The following ITIH2 variants were observed in gnomAD, a reference collection of about 807,000 sequenced individuals.
ITIH2 encodes inter-alpha-trypsin inhibitor heavy chain 2.
Under a neutral mutation model 104.4 loss-of-function variants are expected in ITIH2, and 103 were observed. The observed-to-expected ratio is 0.99, with a 90% confidence interval of 0.84 to 1.16. ITIH2 has a LOEUF of 1.16. ITIH2 is among the 50% of genes most tolerant of loss of function. The pLI, the probability that ITIH2 is intolerant of heterozygous loss-of-function variation, is 0.00. For missense variants in ITIH2, 1,108 were observed against 1,162.4 expected (o/e 0.95, Z 0.68); for synonymous variants, 436 against 435.4 (o/e 1.00, Z -0.02).
intron 20 of ITIH2, among the ~76,000 whole-genome samples, chr10:7,748,853 CA>C (rs1320532163): frequency 6.6e-6 from 1 of 151,966 alleles, no homozygotes; most frequent in East Asian, 1.9e-4. Context: ...GCTGCTGACT[CA>C]TTCTTTAAGT....
chr10:7,709,637 G>A (rs187412991), intron 4 of ITIH2, among the ~76,000 whole-genome samples: 10 of 151,984 alleles, frequency 6.6e-5, no homozygotes, highest in East Asian at 1.9e-4. Flanking sequence ...CTATAACACC[G>A]CTGACAAGTG....
At chr10:7,716,211 C>A (rs1011791742) in intron 5 of ITIH2, among the ~76,000 whole-genome samples, 1 of 152,078 alleles carries the variant, frequency 6.6e-6, no homozygotes, top group Non-Finnish European at 1.5e-5. Flanking sequence ...TAACTCCTGA[C>A]CTCAAGTGAC....
chr10:7,746,633 G>C lies in ITIH2; in HGVS notation c.2622G>C (p.Glu874Asp), dbSNP rs1164633832. The change falls in exon 20 of 21, where the codon GAG becomes GAC. Residue 874 changes from glutamate (E) to aspartate (D), a missense_variant. Transcript: ENST00000358415. ...AACCAAAGATACACATCTTCAATGA[G>C]AGACCAGGAAAGGACCCTGAGAAGC... ...MQEPKIHIFN[E>D]RPGKDPEKPE... is the part of the protein sequence containing the mutation. The C allele has an allele frequency of 3.1e-6, 5 of 1,613,840 alleles. 1 individual carries two copies. The highest frequency in any genetic ancestry group is 2.2e-5 in the South Asian group (2 of 91,054).
chr10:7,726,799 C>T, intron 9 of ITIH2, 151 bp from the exon 10 acceptor site: 1 of 577,096 alleles, frequency 1.7e-6, no homozygotes. Context: ...GGCAGGTCTG[C>T]ATTGACTGAG....
In ITIH2 at chr10:7,735,077, C is replaced by T. The variant is rs755915435; in HGVS notation, c.1943C>T (p.Pro648Leu). The change falls in exon 15 of 21, where the codon CCC becomes CTC. Residue 648 changes from proline (P) to leucine (L), a missense_variant. Physicochemically the swap from Pro to Leu is moderately conservative, Grantham distance 98. Transcript: ENST00000358415. The part of the protein sequence containing the change: ...RMLADAPPQD[P>L]SCCSGALYYG... ...CTGGCGGATGCCCCACCGCAGGATC[C>T]CTCCTGCTGCTCAGGTCAGGGCTGC... The T allele has an allele frequency of 1.2e-6, 2 of 1,608,684 alleles. No homozygotes were observed. Among genetic ancestry groups the T allele is most frequent in the Admixed American group, 1.7e-5 (1 of 59,802 alleles).
intron 16 of ITIH2, among the ~76,000 whole-genome samples, chr10:7,742,280 G>C (rs1249434472): frequency 6.6e-6 from 1 of 151,902 alleles, no homozygotes; most frequent in Admixed American, 6.6e-5. Context: ...GAGGGGAGGG[G>C]AAGCAAGGAA....
intron 1 of ITIH2, among the ~76,000 whole-genome samples, chr10:7,703,888 T>TAATA (rs971642185): frequency 6.6e-6 from 1 of 152,208 alleles, no homozygotes; most frequent in Admixed American, 6.5e-5. Flanking sequence ...AGTAAGTGCT[T>TAATA]AATAATTACT....
chr10:7,705,006 C>T (rs1834732419), intron 1 of ITIH2, 102 bp from the exon 2 acceptor site: 6 of 695,542 alleles, frequency 8.6e-6, no homozygotes, highest in Non-Finnish European at 1.4e-5. Context: ...ACCAACATGG[C>T]ACATGTATAC....
chr10:7,745,078 G>A, intron 19 of ITIH2, 115 bp downstream of exon 19: 1 of 878,154 alleles, frequency 1.1e-6, no homozygotes, highest in Non-Finnish European at 1.8e-6. Flanking sequence ...TGAGCACAGA[G>A]GACTAACATA....
chr10:7,723,765 C>A (rs1834928579), intron 9 of ITIH2, among the ~76,000 whole-genome samples, 198 bp downstream of exon 9: 1 of 152,188 alleles, frequency 6.6e-6, no homozygotes, highest in Admixed American at 6.5e-5. Context: ...GTCTTCTAAT[C>A]ATTCCTCTAG....
At chr10:7,720,813 A>T in intron 6 of ITIH2, 43 bp from the exon 7 acceptor site, 1 of 1,229,126 alleles carries the variant, frequency 8.1e-7, no homozygotes, top group Non-Finnish European at 1.2e-6. Flanking sequence ...AAAAGACTTT[A>T]AAGACTTTTA....
chr10:7,710,839 T>C (rs1220514943), intron 4 of ITIH2, among the ~76,000 whole-genome samples: 1 of 152,208 alleles, frequency 6.6e-6, no homozygotes, highest in African/African-American at 2.4e-5. Flanking sequence ...GAAATGACAT[T>C]GAAAACTATT....
chr10:7,704,914 C>T (rs1588448199), intron 1 of ITIH2, among the ~76,000 whole-genome samples, 194 bp from the exon 2 acceptor site: 1 of 150,824 alleles, frequency 6.6e-6, no homozygotes, highest in East Asian at 1.9e-4. Context: ...CACACTGGGG[C>T]CTGTCAGGGG....
intron 4 of ITIH2, among the ~76,000 whole-genome samples, chr10:7,709,862 T>C (rs1346946298): frequency 1.3e-5 from 2 of 148,854 alleles, no homozygotes; most frequent in Non-Finnish European, 3.0e-5. Flanking sequence ...GCTTGGCTTC[T>C]TTTTTTTTTG....
At chr10:7,706,589 T>C (rs1281016473) in intron 2 of ITIH2, among the ~76,000 whole-genome samples, 1 of 152,208 alleles carries the variant, frequency 6.6e-6, no homozygotes, top group Non-Finnish European at 1.5e-5. Context: ...AGACAGACTT[T>C]AGTCAAATAA....
intron 4 of ITIH2, among the ~76,000 whole-genome samples, chr10:7,710,878 A>G (rs1258194708): frequency 6.6e-6 from 1 of 151,974 alleles, no homozygotes; most frequent in Non-Finnish European, 1.5e-5. Flanking sequence ...TAAACCACAC[A>G]ATCAGAATTT....
At chr10:7,732,233 A>G in intron 13 of ITIH2, 105 bp from the exon 14 acceptor site, 1 of 1,333,002 alleles carries the variant, frequency 7.5e-7, no homozygotes, top group South Asian at 1.3e-5. Flanking sequence ...TTTGCCTTCC[A>G]TTTCTTTTTT....
At chr10:7,712,394 G>A (rs1834804583) in intron 4 of ITIH2, among the ~76,000 whole-genome samples, 1 of 152,152 alleles carries the variant, frequency 6.6e-6, no homozygotes, top group Non-Finnish European at 1.5e-5. Flanking sequence ...TAGGAAGTAA[G>A]GTTCAACATG....
At chr10:7,708,064 C>G (rs1431481885) in intron 3 of ITIH2, among the ~76,000 whole-genome samples, 1 of 152,210 alleles carries the variant, frequency 6.6e-6, no homozygotes, top group Non-Finnish European at 1.5e-5. Context: ...GAAGTGCACA[C>G]TTCAGGGGGA....
Sources: gnomAD v4.1 joint callset for allele counts (sites outside exome capture counted in the v4.1 genomes callset) on GRCh38, gnomAD v4.1.1 for gene constraint, MANE v1.5 for transcripts, NCBI Gene and HGNC (gene_info 2026-07-23, HGNC 2026-07-21) for gene names.